MARCHF8: variants seen among roughly 807,000 people sequenced by gnomAD.
MARCHF8 encodes the protein membrane associated ring-CH-type finger 8, also known as E3 ubiquitin-protein ligase MARCHF8.
MARCHF8 carries 40 observed loss-of-function variants against 51.6 expected under a neutral mutation model. The ratio of observed to expected loss-of-function variants is 0.77; its 90% CI spans 0.60 to 1.01. The LOEUF is 1.01. MARCHF8 is among the 50% of genes least tolerant of loss of function. MARCHF8 has a pLI of 0.00. For synonymous variants in MARCHF8, 263 were observed against 280.3 expected (o/e 0.94, Z 0.62); for missense variants, 685 against 708.6 (o/e 0.97, Z 0.38).
intron 1 of MARCHF8, among the ~76,000 whole-genome samples, chr10:45,534,313 C>T (rs942249788): frequency 1.3e-5 from 2 of 151,986 alleles, no homozygotes; most frequent in Non-Finnish European, 2.9e-5. Flanking sequence ...TTGCCAAACA[C>T]TGCCGTAAAG....
At chr10:45,579,056 A>C (rs911544935) in intron 1 of MARCHF8, among the ~76,000 whole-genome samples, 6 of 152,254 alleles carry the variant, frequency 3.9e-5, no homozygotes, top group Non-Finnish European at 7.3e-5. Flanking sequence ...TTAGATAACA[A>C]CACCGTACCA....
chr10:45,458,701 C>T (rs1320256781), intron 7 of MARCHF8, among the ~76,000 whole-genome samples, 158 bp from the exon 8 acceptor site: 2 of 152,124 alleles, frequency 1.3e-5, no homozygotes, highest in Non-Finnish European at 2.9e-5. Flanking sequence ...AGTGCAGTGG[C>T]TATTCACAGG....
intron 2 of MARCHF8, among the ~76,000 whole-genome samples, chr10:45,529,524 G>A (rs1412709237): frequency 3.3e-5 from 5 of 152,050 alleles, no homozygotes; most frequent in African/African-American, 1.2e-4. Context: ...AATCAACAGA[G>A]AAAACAGACA....
chr10:45,458,999 A>G (rs1399854188), intron 7 of MARCHF8, 121 bp downstream of exon 7: 1 of 1,288,672 alleles, frequency 7.8e-7, no homozygotes, highest in African/African-American at 1.5e-5. Flanking sequence ...AGTGCCTCCT[A>G]ACTGATGTCC....
chr10:45,495,345 C>T (rs1311658374), intron 2 of MARCHF8, among the ~76,000 whole-genome samples: 1 of 151,798 alleles, frequency 6.6e-6, no homozygotes, highest in Admixed American at 6.6e-5. Context: ...CAGAGTGGCA[C>T]TCCTGTACAT....
At chr10:45,513,926 T>C (rs1051706537) in intron 2 of MARCHF8, among the ~76,000 whole-genome samples, 1 of 152,096 alleles carries the variant, frequency 6.6e-6, no homozygotes, top group African/African-American at 2.4e-5. Flanking sequence ...CTCTAGAAAA[T>C]AGCAATAGAG....
chr10:45,566,703 G>C (rs1259047147), intron 1 of MARCHF8, among the ~76,000 whole-genome samples: 1 of 136,602 alleles, frequency 7.3e-6, no homozygotes, highest in Non-Finnish European at 1.5e-5. Flanking sequence ...GCAAATCTTA[G>C]CTATTGTAAA....
chr10:45,546,831 T>C (rs991139597), intron 1 of MARCHF8, among the ~76,000 whole-genome samples: 4 of 148,846 alleles, frequency 2.7e-5, no homozygotes, highest in African/African-American at 7.4e-5. Context: ...CAATTACCAA[T>C]AGTGAAGAAA....
intron 1 of MARCHF8, 143 bp from the exon 2 acceptor site, chr10:45,533,432 TAGA>T (rs912861088): frequency 2.3e-6 from 1 of 427,440 alleles, no homozygotes; most frequent in African/African-American, 2.1e-5. Context: ...TCAAAAACAA[TAGA>T]AGATGAATGT....
At chr10:45,536,835 AAATAATAATAATAAT>A (rs60341718), upstream of MARCHF8, among the ~76,000 whole-genome samples, 624 of 134,820 alleles carry the variant, frequency 4.6e-3, 5 homozygotes, top group African/African-American at 0.015. Flanking sequence ...ATCTCTACCA[AAATAATAATAATAAT>A]AATAATAATA....
chr10:45,569,965 T>C (rs759269998), intron 1 of MARCHF8, among the ~76,000 whole-genome samples: 24 of 152,124 alleles, frequency 1.6e-4, no homozygotes, highest in Non-Finnish European at 2.6e-4. Context: ...GCACTAATAA[T>C]AGAGTGAAAA....
intron 1 of MARCHF8, among the ~76,000 whole-genome samples, chr10:45,588,579 A>C (rs929682158): frequency 6.6e-6 from 1 of 152,218 alleles, no homozygotes; most frequent in Non-Finnish European, 1.5e-5. Flanking sequence ...ACATTTTTTC[A>C]AACTGTAATA....
chr10:45,502,231 T>G (rs187027040), intron 2 of MARCHF8, among the ~76,000 whole-genome samples: 114 of 152,304 alleles, frequency 7.5e-4, no homozygotes, highest in African/African-American at 2.5e-3. Context: ...TAGAAAACTG[T>G]GGTCCGTGCA....
intron 1 of MARCHF8, among the ~76,000 whole-genome samples, chr10:45,543,345 C>T (rs944851694): frequency 6.6e-6 from 1 of 152,156 alleles, no homozygotes. Flanking sequence ...ATAACTTTGG[C>T]TTGAATGCCC....
intron 2 of MARCHF8, among the ~76,000 whole-genome samples, chr10:45,513,032 T>G (rs1313741761): frequency 1.3e-5 from 2 of 151,174 alleles, no homozygotes; most frequent in African/African-American, 4.9e-5. Flanking sequence ...GGCAGCATGC[T>G]CGTTAAGAAT....
chr10:45,536,950 C>T (rs944011658), upstream of MARCHF8, among the ~76,000 whole-genome samples: 2 of 151,362 alleles, frequency 1.3e-5, no homozygotes, highest in Middle Eastern at 3.2e-3. Context: ...CAAATCAAAA[C>T]TATTAGATAT....
chr10:45,459,883 T>G (rs1382417424), intron 6 of MARCHF8: 1 of 985,318 alleles, frequency 1.0e-6, no homozygotes, highest in Admixed American at 6.1e-5. Flanking sequence ...ATTTACTGGT[T>G]TCCGAATCAG....
chr10:45,491,172 C>T (rs35187216), intron 2 of MARCHF8, among the ~76,000 whole-genome samples: 9,386 of 152,262 alleles, frequency 0.062, 332 homozygotes, highest in Non-Finnish European at 0.067. Flanking sequence ...GAATTACAGG[C>T]ATGAGTCACC....
chr10:45,508,414 CA>C (rs2043428668), intron 2 of MARCHF8, among the ~76,000 whole-genome samples: 1 of 151,080 alleles, frequency 6.6e-6, no homozygotes, highest in East Asian at 1.9e-4. Flanking sequence ...ATTAGCAAAT[CA>C]GAAGAGATTT....
Sources: gnomAD v4.1 joint callset for allele counts (sites outside exome capture counted in the v4.1 genomes callset) on GRCh38, gnomAD v4.1.1 for gene constraint, MANE v1.5 for transcripts, NCBI Gene and HGNC (gene_info 2026-07-23, HGNC 2026-07-21) for gene names.